Variants in BACE2 observed in about 807,000 individuals in gnomAD.
BACE2 encodes the protein beta-secretase 2, also known as 56 kDa aspartic-like protease.
In BACE2, 17 loss-of-function variants were observed where a neutral mutation model predicts 46.2. The observed-to-expected ratio is 0.37, with a 90% CI of 0.25 to 0.55. The LOEUF is 0.55. BACE2 is among the 20% of genes least tolerant of loss of function. BACE2 has a pLI of 0.82. For synonymous variants in BACE2, 277 were observed against 295.9 expected (o/e 0.94, Z 0.66); for missense variants, 595 against 698.1 (o/e 0.85, Z 1.66).
chr21:41,262,619 C>A (rs1207362121), intron 8 of BACE2, among the ~76,000 whole-genome samples: 3 of 152,110 alleles, frequency 2.0e-5, no homozygotes, highest in Non-Finnish European at 4.4e-5. Context: ...GAAACCAAAT[C>A]TTTACCATAT....
intron 1 of BACE2, chr21:41,179,456 GGTGT>G: frequency 1.5e-6 from 2 of 1,325,066 alleles, no homozygotes; most frequent in Non-Finnish European, 2.0e-6. Context: ...GGTGAGTGAG[GGTGT>G]CCAGGGTGCA....
intron 2 of BACE2, among the ~76,000 whole-genome samples, chr21:41,232,084 A>T (rs1365688262): frequency 6.6e-6 from 1 of 150,710 alleles, no homozygotes; most frequent in Non-Finnish European, 1.5e-5. Context: ...CACAAGTCAC[A>T]TGTGGCTATT....
intron 3 of BACE2, among the ~76,000 whole-genome samples, chr21:41,238,235 C>G (rs1987182136): frequency 6.6e-6 from 1 of 152,234 alleles, no homozygotes; most frequent in African/African-American, 2.4e-5. Context: ...TGAAGGCATG[C>G]CCTGGGGAGA....
rs186371916 is a variant in BACE2, at chr21:41,209,110, T to G, written c.313-17156T>G. The stretch of plus-strand genomic sequence containing the variant: ...CCCATGTGCACCCTGGGAGGACTGC[T>G]GAACACACCGCCAGGCCATGGAGAT... On this transcript the variant is annotated intron_variant, in intron 1 of 8. Coordinates refer to ENST00000330333, the MANE Select transcript of BACE2 (RefSeq NM_012105.5). Among the ~76,000 whole-genome samples, 9 of 152,354 alleles carry G rather than the reference T, an allele frequency of 5.9e-5. No individual in the cohort carries two copies. The East Asian group carries it at 1.7e-3, about 29-fold the overall frequency.
chr21:41,250,933 TA>T lies in BACE2; in HGVS notation c.1134+33del, dbSNP rs777642875. The T allele has an allele frequency of 1.9e-6, 3 of 1,607,496 alleles. No individual in the cohort carries two copies. The Admixed American group carries it at 5.1e-5, about 27-fold the overall frequency. The stretch of plus-strand genomic sequence containing the variant: ...ACTTGGATTTGTGCTTTGCTCTTTT[TA>T]TCATGCAAAAGAGAAAGCACTCCAT... On this transcript the variant is annotated intron_variant, in intron 7 of 8. Coordinates refer to ENST00000330333, the MANE Select transcript of BACE2 (RefSeq NM_012105.5).
intron 6 of BACE2, chr21:41,246,271 G>T: frequency 6.7e-6 from 2 of 298,068 alleles, no homozygotes; most frequent in African/African-American, 2.2e-5. Context: ...TATTTTGAAG[G>T]GTTTTGTTTC....
rs867834941 is a variant in BACE2 at position 41,257,177 on chromosome 21, TG to T, written c.1159del (p.Ala387ProfsTer3). On this transcript the variant is annotated frameshift_variant, in exon 8 of 9. Coordinates refer to ENST00000330333, the MANE Select transcript of BACE2 (RefSeq NM_012105.5). LOFTEE classifies it high-confidence loss of function. ...ILPQLYIQPM[M>X]GAGLNYECYR... is the part of the protein sequence containing the mutation. Reference sequence around the variant, plus strand: ...AAACAGCTTTACATTCAGCCCATGATGGGGGCCGGCCTGAATTATGAATGTT... The same window carrying T: ...AAACAGCTTTACATTCAGCCCATGATGGGGCCGGCCTGAATTATGAATGTT... 5.6e-6 allele frequency: 9 copies of T among 1,614,144 alleles called. No homozygotes were observed. The highest frequency in any genetic ancestry group is 7.6e-6 in the Non-Finnish European group (9 of 1,180,024).
chr21:41,234,127 G>C (rs555143606), intron 2 of BACE2, among the ~76,000 whole-genome samples: 3 of 152,066 alleles, frequency 2.0e-5, no homozygotes, highest in Non-Finnish European at 4.4e-5. Context: ...CACTGTCTTC[G>C]TGGCAGTGAA....
intron 1 of BACE2, among the ~76,000 whole-genome samples, chr21:41,191,004 A>G (rs1051416489): frequency 2.0e-5 from 3 of 152,208 alleles, no homozygotes; most frequent in African/African-American, 7.2e-5. Context: ...CTAGACCAAC[A>G]GAACTTAATG....
intron 1 of BACE2, among the ~76,000 whole-genome samples, chr21:41,174,089 C>T (rs1397287955): frequency 4.0e-5 from 6 of 149,148 alleles, no homozygotes; most frequent in Non-Finnish European, 8.8e-5. Flanking sequence ...TTTCCTTTTT[C>T]CTCCTGGAAT....
chr21:41,168,727 G>A (rs1270106704), intron 1 of BACE2, 152 bp downstream of exon 1: 2 of 546,784 alleles, frequency 3.7e-6, no homozygotes, highest in African/African-American at 2.0e-5. Flanking sequence ...CGGGTGGGCC[G>A]GGGAGCGGGG....
chr21:41,248,971 C>G (rs376712132), intron 6 of BACE2, among the ~76,000 whole-genome samples: 35 of 152,216 alleles, frequency 2.3e-4, no homozygotes, highest in African/African-American at 7.7e-4. Context: ...CTTCTTCTGG[C>G]CTGAGCCACC....
chr21:41,270,760 G>T (rs562490242), intron 8 of BACE2, among the ~76,000 whole-genome samples: 1 of 152,226 alleles, frequency 6.6e-6, no homozygotes, highest in South Asian at 2.1e-4. Context: ...TATTTCTTGT[G>T]CTCTTGAAAA....
chr21:41,238,256 C>T (rs1188892645), intron 3 of BACE2, among the ~76,000 whole-genome samples: 1 of 152,222 alleles, frequency 6.6e-6, no homozygotes, highest in Non-Finnish European at 1.5e-5. Context: ...GCCAGCCCTT[C>T]CCAGTGGTGG....
intron 1 of BACE2, among the ~76,000 whole-genome samples, chr21:41,202,850 A>C (rs1986004557): frequency 6.6e-6 from 1 of 152,070 alleles, no homozygotes; most frequent in Non-Finnish European, 1.5e-5. Context: ...TCTGGGCTGG[A>C]GATGTATATA....
At chr21:41,200,536 G>A (rs528796742) in intron 1 of BACE2, among the ~76,000 whole-genome samples, 83 of 152,290 alleles carry the variant, frequency 5.5e-4, no homozygotes, top group African/African-American at 1.8e-3. Flanking sequence ...TCCCTGCACT[G>A]TGCTAGCCCG....
intron 1 of BACE2, chr21:41,185,129 A>G (rs1985324593): frequency 1.2e-5 from 2 of 167,090 alleles, no homozygotes; most frequent in Non-Finnish European, 2.9e-5. Context: ...AGAGGGTTTT[A>G]TTAGCCCAAG....
intron 1 of BACE2, among the ~76,000 whole-genome samples, chr21:41,188,880 C>T (rs1424830408): frequency 6.6e-6 from 1 of 152,182 alleles, no homozygotes; most frequent in Non-Finnish European, 1.5e-5. Flanking sequence ...TTCCTGGGGC[C>T]ACTGGGTTTT....
At chr21:41,252,201 T>C (rs1257852422) in intron 7 of BACE2, among the ~76,000 whole-genome samples, 1 of 152,194 alleles carries the variant, frequency 6.6e-6, no homozygotes, top group Non-Finnish European at 1.5e-5. Context: ...GGCATCGCTG[T>C]CCATGGCCTC....
Sources: gnomAD v4.1 joint callset for allele counts (sites outside exome capture counted in the v4.1 genomes callset) on GRCh38, gnomAD v4.1.1 for gene constraint, MANE v1.5 for transcripts, NCBI Gene and HGNC (gene_info 2026-07-23, HGNC 2026-07-21) for gene names.